SLIT3: variants seen among roughly 807,000 people sequenced by gnomAD.
The protein encoded by SLIT3 is slit homolog 3 protein.
SLIT3 carries 68 observed loss-of-function variants against 184.0 expected under a neutral mutation model. The ratio of observed to expected loss-of-function variants is 0.37; its 90% confidence interval spans 0.30 to 0.45. The LOEUF is 0.45. Among genes scored for constraint, SLIT3 ranks in the 20% least tolerant of loss-of-function variants. SLIT3 has a pLI of 1.00. For missense variants in SLIT3, 1,707 were observed against 2,026.0 expected (o/e 0.84, Z 3.02); for synonymous variants, 831 against 828.6 (o/e 1.00, Z -0.05).
chr5:168,950,600 A>G (rs961875381), intron 4 of SLIT3, among the ~76,000 whole-genome samples: 1 of 152,266 alleles, frequency 6.6e-6, no homozygotes, highest in Admixed American at 6.5e-5. Context: ...TTACAGAAAC[A>G]TTCTGTGGGC....
At chr5:169,265,790 T>C (rs1426722895) in intron 1 of SLIT3, among the ~76,000 whole-genome samples, 1 of 152,166 alleles carries the variant, frequency 6.6e-6, no homozygotes, top group Non-Finnish European at 1.5e-5. Context: ...ATCAATTGGC[T>C]GATTATTATT....
At chr5:169,115,115 C>T (rs967760987) in intron 4 of SLIT3, among the ~76,000 whole-genome samples, 1 of 152,188 alleles carries the variant, frequency 6.6e-6, no homozygotes, top group East Asian at 1.9e-4. Context: ...TCCAACTCAG[C>T]CACTTGAAGG....
chr5:169,028,552 C>G (rs562757230), intron 4 of SLIT3, among the ~76,000 whole-genome samples: 33 of 152,340 alleles, frequency 2.2e-4, no homozygotes, highest in African/African-American at 7.9e-4. Context: ...ATAGTTGGCA[C>G]TTAATAAATG....
At chr5:169,152,624 T>C (rs923196456) in intron 4 of SLIT3, among the ~76,000 whole-genome samples, 1 of 152,178 alleles carries the variant, frequency 6.6e-6, no homozygotes, top group Non-Finnish European at 1.5e-5. Flanking sequence ...TAGAGCTGTG[T>C]GGGCGTGGCA....
At chr5:169,132,685 G>A (rs570333625) in intron 4 of SLIT3, among the ~76,000 whole-genome samples, 1 of 152,334 alleles carries the variant, frequency 6.6e-6, no homozygotes, top group East Asian at 1.9e-4. Flanking sequence ...AGGTCTGTAT[G>A]TCTATTCTAT....
At chr5:169,290,077 G>A (rs1412769201) in intron 1 of SLIT3, among the ~76,000 whole-genome samples, 1 of 149,998 alleles carries the variant, frequency 6.7e-6, no homozygotes, top group Non-Finnish European at 1.5e-5. Flanking sequence ...ACATATGCTA[G>A]AACGTACACT....
intron 4 of SLIT3, among the ~76,000 whole-genome samples, chr5:169,034,905 C>T (rs1381310019): frequency 6.9e-6 from 1 of 144,612 alleles, no homozygotes; most frequent in Admixed American, 6.9e-5. Flanking sequence ...AGCCACCACG[C>T]CCAGCTAGTG....
chr5:168,807,017 C>G (rs1561943475), intron 8 of SLIT3, among the ~76,000 whole-genome samples: 1 of 152,164 alleles, frequency 6.6e-6, no homozygotes, highest in Non-Finnish European at 1.5e-5. Context: ...ACGGGGCTAT[C>G]AAAACCAAGT....
chr5:169,205,998 A>C (rs907222754), intron 3 of SLIT3, among the ~76,000 whole-genome samples: 22 of 152,236 alleles, frequency 1.4e-4, no homozygotes, highest in African/African-American at 5.1e-4. Context: ...TTCTTACACC[A>C]GGTGGGACAT....
chr5:169,059,250 T>G (rs1309705134), intron 4 of SLIT3, among the ~76,000 whole-genome samples: 1 of 150,926 alleles, frequency 6.6e-6, no homozygotes, highest in Non-Finnish European at 1.5e-5. Flanking sequence ...AGACACCAAG[T>G]GAAAAAAGGC....
intron 4 of SLIT3, among the ~76,000 whole-genome samples, chr5:169,162,891 A>G (rs1328544846): frequency 6.6e-6 from 1 of 152,198 alleles, no homozygotes. Flanking sequence ...CCAAATCATA[A>G]TAGGAAGGTA....
chr5:168,983,592 A>G (rs62378589), intron 4 of SLIT3, among the ~76,000 whole-genome samples: 218 of 152,330 alleles, frequency 1.4e-3, no homozygotes, highest in Non-Finnish European at 1.9e-3. Context: ...GCAAAATCAC[A>G]TAAGTGGCTC....
chr5:168,864,903 C>A (rs1462895777), intron 5 of SLIT3, among the ~76,000 whole-genome samples: 1 of 152,196 alleles, frequency 6.6e-6, no homozygotes, highest in Non-Finnish European at 1.5e-5. Context: ...GACGGTGGCT[C>A]ACGCCTCTAA....
At chr5:168,927,401 G>T (rs937480488) in intron 4 of SLIT3, among the ~76,000 whole-genome samples, 3 of 152,120 alleles carry the variant, frequency 2.0e-5, no homozygotes, top group African/African-American at 7.2e-5. Context: ...GGGCATAGAG[G>T]TTCAGTTTTG....
At chr5:169,070,195 T>C (rs574203288) in intron 4 of SLIT3, among the ~76,000 whole-genome samples, 2 of 152,234 alleles carry the variant, frequency 1.3e-5, no homozygotes, top group South Asian at 2.1e-4. Context: ...ACAGGTGGTA[T>C]TGTGGGGTTT....
chr5:169,015,109 A>G (rs1045841762), intron 4 of SLIT3, among the ~76,000 whole-genome samples: 78 of 152,120 alleles, frequency 5.1e-4, no homozygotes, highest in Non-Finnish European at 1.1e-3. Context: ...TGGACAAAAA[A>G]AAAACAAAGC....
chr5:169,006,008 T>C (rs1755911490), intron 4 of SLIT3, among the ~76,000 whole-genome samples: 1 of 152,234 alleles, frequency 6.6e-6, no homozygotes, highest in Non-Finnish European at 1.5e-5. Context: ...AATTCCTCAG[T>C]GCCAGGCACT....
At chr5:168,972,271 G>A (rs990552076) in intron 4 of SLIT3, among the ~76,000 whole-genome samples, 2 of 150,964 alleles carry the variant, frequency 1.3e-5, no homozygotes, top group Non-Finnish European at 2.9e-5. Context: ...GTAGAAGCAC[G>A]ACCTTGAGGG....
intron 4 of SLIT3, among the ~76,000 whole-genome samples, chr5:169,068,454 C>T (rs1166477110): frequency 2.0e-5 from 3 of 152,048 alleles, no homozygotes; most frequent in African/African-American, 4.8e-5. Context: ...ATCACTAAGA[C>T]GAAGCCTGGG....
Sources: gnomAD v4.1 joint callset for allele counts (sites outside exome capture counted in the v4.1 genomes callset) on GRCh38, gnomAD v4.1.1 for gene constraint, MANE v1.5 for transcripts, NCBI Gene and HGNC (gene_info 2026-07-23, HGNC 2026-07-21) for gene names.